TMEM61: variants seen among roughly 807,000 people sequenced by gnomAD.
The protein encoded by TMEM61 is transmembrane protein 61.
TMEM61 carries 13 observed loss-of-function variants against 12.0 expected under a neutral mutation model. That is an observed-to-expected ratio of 1.08 (90% CI 0.70 to 1.72). The LOEUF is 1.72. Ranked by LOEUF, TMEM61 falls within the 40% of genes most tolerant of loss-of-function variation. TMEM61 has a pLI of 0.00. For synonymous variants in TMEM61, 109 were observed against 121.4 expected, an observed-to-expected ratio of 0.90 and a Z score of 0.67; for missense variants, 249 against 276.9, an observed-to-expected ratio of 0.90 and a Z score of 0.71.
chr1:54,980,941 G>A lies in TMEM61; in HGVS notation c.-125G>A, dbSNP rs1644214556. 1.9e-6 allele frequency: 2 copies of A among 1,056,118 alleles called. No individual in the cohort carries two copies. Among genetic ancestry groups the A allele is most frequent in the Admixed American group, 3.0e-5 (1 of 33,320 alleles). The allele number at this position is 1,056,118 out of a possible 1,614,324, so 65.4% of individuals were successfully genotyped here. Reference sequence around the variant, plus strand: ...CCAGGCCCCTCCGCCCCTAACACCCGCGCCTCCTGCAGACCCGAGGGTCGC... The same window carrying A: ...CCAGGCCCCTCCGCCCCTAACACCCACGCCTCCTGCAGACCCGAGGGTCGC... On this transcript the variant is annotated 5_prime_UTR_variant, in exon 1 of 3. Transcript: ENST00000371268.
intron 2 of TMEM61, among the ~76,000 whole-genome samples, chr1:54,989,315 T>C (rs1239347725): frequency 6.6e-6 from 1 of 152,234 alleles, no homozygotes; most frequent in Non-Finnish European, 1.5e-5. Context: ...TGCAGGCCTC[T>C]ACCCCCCAGG....
At chr1:54,989,443 CCAGGCCCAGGTCT>C (rs1182481611) in intron 2 of TMEM61, among the ~76,000 whole-genome samples, 1 of 152,228 alleles carries the variant, frequency 6.6e-6, no homozygotes, top group Non-Finnish European at 1.5e-5. Context: ...GGAGCTGGTG[CCAGGCCCAGGTCT>C]CCTGCCCCAA....
chr1:54,980,939 C>T lies in TMEM61; in HGVS notation c.-127C>T. The stretch of plus-strand genomic sequence containing the variant: ...GGCCAGGCCCCTCCGCCCCTAACAC[C>T]CGCGCCTCCTGCAGACCCGAGGGTC... On this transcript the variant is annotated 5_prime_UTR_variant, in exon 1 of 3. Transcript: ENST00000371268. 1 of 1,050,576 alleles carries T rather than the reference C, an allele frequency of 9.5e-7. No homozygotes were observed. The highest frequency in any genetic ancestry group is 1.3e-6 in the Non-Finnish European group (1 of 761,416). 65.1% of individuals were successfully genotyped at this position (1,050,576 alleles called of 1,614,324 possible). A position where few individuals can be genotyped will look rare whatever the true frequency, so the allele number is the denominator to read the frequency against.
intron 1 of TMEM61, among the ~76,000 whole-genome samples, chr1:54,985,427 G>A (rs1644251219): frequency 6.6e-6 from 1 of 152,184 alleles, no homozygotes; most frequent in Non-Finnish European, 1.5e-5. Context: ...AGTAGAGATG[G>A]GGATTCACCC....
At chr1:54,990,568 GT>G (rs1408274017) in intron 2 of TMEM61, among the ~76,000 whole-genome samples, 1 of 152,074 alleles carries the variant, frequency 6.6e-6, no homozygotes, top group African/African-American at 2.4e-5. Context: ...CCCCTCCTCG[GT>G]CTAGACAGCA....
At chr1:54,981,982 G>A (rs956556133) in intron 1 of TMEM61, among the ~76,000 whole-genome samples, 1 of 151,568 alleles carries the variant, frequency 6.6e-6, no homozygotes. Context: ...CATTTACAGG[G>A]AGGACACTAA....
At chr1:54,986,718 G>A (rs1044311186) in intron 2 of TMEM61, among the ~76,000 whole-genome samples, 15 of 151,786 alleles carry the variant, frequency 9.9e-5, no homozygotes, top group African/African-American at 3.4e-4. Flanking sequence ...ACCCAGGAAG[G>A]CTTCCTGGAG....
In TMEM61 at chr1:54,980,991, G is replaced by A. The variant is rs2253467; in HGVS notation, c.-75G>A. The A allele has an allele frequency of 2.0e-6, 3 of 1,486,172 alleles. No homozygotes were observed. Among genetic ancestry groups the A allele is most frequent in the Non-Finnish European group, 2.7e-6 (3 of 1,108,494 alleles). The allele number at this position is 1,486,172 out of a possible 1,614,324, so 92.1% of individuals were successfully genotyped here. A position where few individuals can be genotyped will look rare whatever the true frequency, so the allele number is the denominator to read the frequency against. ...CCGCTGGTAGGGTCGCTCAGCCCTG[G>A]CGTCCTCCACCACCACACCTTCACC... On this transcript the variant is annotated 5_prime_UTR_variant, in exon 1 of 3. Coordinates refer to ENST00000371268, the MANE Select transcript of TMEM61 (RefSeq NM_182532.3).
chr1:54,992,212 G>A lies in TMEM61; in HGVS notation c.*109G>A. ...ACTCAGCAAACGTTCGTTGTTGAAG[G>A]CTGTTCTATTTATCTATTGCTGTAT... On this transcript the variant is annotated 3_prime_UTR_variant, in exon 3 of 3. Coordinates refer to ENST00000371268, the MANE Select transcript of TMEM61 (RefSeq NM_182532.3). 7.4e-7 allele frequency: 1 copy of A among 1,352,638 alleles called. No homozygotes were observed. Among genetic ancestry groups the A allele is most frequent in the Non-Finnish European group, 1.0e-6 (1 of 994,786 alleles). 83.8% of individuals were successfully genotyped at this position (1,352,638 alleles called of 1,614,324 possible). A position where few individuals can be genotyped will look rare whatever the true frequency, so the allele number is the denominator to read the frequency against.
Position 54,980,902 on chromosome 1 carries a change from C to T in TMEM61, c.-164C>T. 3 of 680,946 alleles carry T rather than the reference C, an allele frequency of 4.4e-6. 1 individual carries two copies. In the South Asian group the frequency reaches 8.3e-5, roughly 19 times the overall value. The allele number at this position is 680,946 out of a possible 1,614,324, so 42.2% of individuals were successfully genotyped here. A position where few individuals can be genotyped will look rare whatever the true frequency, so the allele number is the denominator to read the frequency against. On this transcript the variant is annotated 5_prime_UTR_variant, in exon 1 of 3. Transcript: ENST00000371268. The stretch of plus-strand genomic sequence containing the variant: ...CGGTTTTGCGGGCTGGGGAGCAGGG[C>T]TCGGGGGCAGCGGCCAGGCCCCTCC...
chr1:54,980,908 G>A lies in TMEM61; in HGVS notation c.-158G>A. On this transcript the variant is annotated 5_prime_UTR_variant, in exon 1 of 3. Transcript: ENST00000371268. ...TGCGGGCTGGGGAGCAGGGCTCGGG[G>A]GCAGCGGCCAGGCCCCTCCGCCCCT... The A allele has an allele frequency of 1.4e-6, 1 of 713,580 alleles. No individual in the cohort carries two copies. The highest frequency in any genetic ancestry group is 2.1e-6 in the Non-Finnish European group (1 of 475,428). The allele number at this position is 713,580 out of a possible 1,614,324, so 44.2% of individuals were successfully genotyped here. A position where few individuals can be genotyped will look rare whatever the true frequency, so the allele number is the denominator to read the frequency against.
chr1:54,981,228 G>C (rs1286712006), intron 1 of TMEM61, 148 bp downstream of exon 1: 1 of 816,192 alleles, frequency 1.2e-6, no homozygotes. Context: ...TATCTTGCTG[G>C]GTGGCTTGAG....
chr1:54,983,798 C>T (rs969187106), intron 1 of TMEM61, among the ~76,000 whole-genome samples: 4 of 152,172 alleles, frequency 2.6e-5, no homozygotes, highest in Non-Finnish European at 5.9e-5. Flanking sequence ...CTCCTCTTGA[C>T]AGCCTCTCCT....
chr1:54,992,238 A>G lies in TMEM61; in HGVS notation c.*135A>G. On this transcript the variant is annotated 3_prime_UTR_variant, in exon 3 of 3. Transcript: ENST00000371268. ...CTGTTCTATTTATCTATTGCTGTAT[A>G]ACAAACCACCCCAGAATTTAGTGGC... 1 of 1,066,482 alleles carries G rather than the reference A, an allele frequency of 9.4e-7. No individual in the cohort carries two copies. The allele number at this position is 1,066,482 out of a possible 1,614,324, so 66.1% of individuals were successfully genotyped here.
chr1:54,990,430 G>A (rs1644287890), intron 2 of TMEM61, among the ~76,000 whole-genome samples: 1 of 152,154 alleles, frequency 6.6e-6, no homozygotes. Context: ...GAAAGTCCAG[G>A]TCCCCGGTGG....
intron 2 of TMEM61, among the ~76,000 whole-genome samples, chr1:54,988,457 C>T (rs1031786465): frequency 2.0e-5 from 3 of 152,212 alleles, no homozygotes; most frequent in African/African-American, 4.8e-5. Flanking sequence ...GGCTGGGGGT[C>T]GAGGAGGCTG....
At position 54,980,860 on chromosome 1, in the gene TMEM61, G is replaced by A. The variant is rs1294618910; in HGVS notation, c.-206G>A. ...GGCGCGGCTGGTGAGCCCTGGGAGG[G>A]CCCAGGAGCCAGACCTCGGTTTTGC... On this transcript the variant is annotated 5_prime_UTR_variant, in exon 1 of 3. Transcript: ENST00000371268. 2 of 468,186 alleles carry A rather than the reference G, an allele frequency of 4.3e-6. No homozygotes were observed. The highest frequency in any genetic ancestry group is 4.9e-5 in the South Asian group (1 of 20,264). 29.0% of individuals were successfully genotyped at this position (468,186 alleles called of 1,614,324 possible).
At chr1:54,981,978 C>T (rs1644225789) in intron 1 of TMEM61, among the ~76,000 whole-genome samples, 1 of 77,964 alleles carries the variant, frequency 1.3e-5, no homozygotes, top group South Asian at 4.4e-4. Flanking sequence ...TGCCCATTTA[C>T]AGGGAGGACA....
intron 2 of TMEM61, among the ~76,000 whole-genome samples, chr1:54,989,520 G>A (rs1644281655): frequency 6.6e-6 from 1 of 152,212 alleles, no homozygotes; most frequent in Non-Finnish European, 1.5e-5. Context: ...TCCTGTGCGG[G>A]GAGACCACTG....
Sources: allele counts gnomAD v4.1 joint callset (sites outside exome capture counted in the v4.1 genomes callset), GRCh38; gene constraint gnomAD v4.1.1; transcripts MANE v1.5; gene names NCBI Gene and HGNC (gene_info 2026-07-23, HGNC 2026-07-21).